The following SMAD9 variants were observed in gnomAD, a reference collection of about 807,000 sequenced individuals.
SMAD9 encodes MAD homolog 9.
SMAD9 carries 36 observed loss-of-function variants against 46.1 expected under a neutral mutation model. The ratio of observed to expected loss-of-function variants is 0.78; its 90% confidence interval spans 0.60 to 1.03. The LOEUF is 1.03. Ranked by LOEUF, SMAD9 falls within the 50% of genes least tolerant of loss-of-function variation. The pLI is 0.00. For synonymous variants in SMAD9, 245 were observed against 237.1 expected, an observed-to-expected ratio of 1.03 and a Z score of -0.31; for missense variants, 572 against 599.8, an observed-to-expected ratio of 0.95 and a Z score of 0.48.
rs1245180211 is a variant in SMAD9 at position 36,872,704 on chromosome 13, G to C, written c.624C>G (p.His208Gln). ...CTGGCTCAGAAGGACTTCCTGGGGA[G>C]TGAGGGTAGCTGGCCGTGCACGGGG... ...SQSPCTASYP[H>Q]SPGSPSEPES... Residue 208 changes from histidine (H) to glutamine (Q), a missense_variant, in exon 3 of 7, where the codon CAC becomes CAG. Physicochemically the swap from His to Gln is conservative, Grantham distance 24. Transcript: ENST00000379826. 6.2e-7 allele frequency: 1 copy of C among 1,614,034 alleles called. No individual in the cohort carries two copies. The highest frequency in any genetic ancestry group is 8.5e-7 in the Non-Finnish European group (1 of 1,179,994).
intron 1 of SMAD9, among the ~76,000 whole-genome samples, chr13:36,918,677 ACT>A (rs1475549161): frequency 2.0e-5 from 3 of 152,068 alleles, no homozygotes; most frequent in Non-Finnish European, 4.4e-5. Context: ...GCACAGGGAA[ACT>A]CTTATATTGA....
At chr13:36,907,188 G>A (rs1299924756) in intron 1 of SMAD9, among the ~76,000 whole-genome samples, 1 of 152,090 alleles carries the variant, frequency 6.6e-6, no homozygotes, top group Admixed American at 6.6e-5. Flanking sequence ...TCTAGAATAG[G>A]GAAATTCATA....
At chr13:36,916,199 GT>G (rs1261639703) in intron 1 of SMAD9, among the ~76,000 whole-genome samples, 2 of 152,194 alleles carry the variant, frequency 1.3e-5, no homozygotes, top group Admixed American at 6.5e-5. Flanking sequence ...TGCGGCTATG[GT>G]GGGGGGAGGA....
intron 1 of SMAD9, 113 bp from the exon 2 acceptor site, chr13:36,879,988 G>A: frequency 2.4e-6 from 1 of 422,580 alleles, no homozygotes; most frequent in Non-Finnish European, 4.4e-6. Flanking sequence ...TCAAGTGGGT[G>A]AATGGCTCGA....
intron 3 of SMAD9, among the ~76,000 whole-genome samples, chr13:36,871,554 T>C (rs181773994): frequency 6.6e-6 from 1 of 152,090 alleles, no homozygotes; most frequent in Non-Finnish European, 1.5e-5. Context: ...AATAAACGCC[T>C]GTGTAGTAAT....
chr13:36,897,088 C>T (rs1352457043), intron 1 of SMAD9, among the ~76,000 whole-genome samples: 4 of 152,092 alleles, frequency 2.6e-5, no homozygotes, highest in African/African-American at 4.8e-5. Context: ...GAGGCATTTT[C>T]CCTCTAGTCA....
At chr13:36,851,788 T>A in intron 6 of SMAD9, 1 of 969,316 alleles carries the variant, frequency 1.0e-6, no homozygotes, top group Non-Finnish European at 1.2e-6. Context: ...TCCTGCAGTA[T>A]TAGGAACAGT....
chr13:36,883,453 A>C (rs1483947404), intron 1 of SMAD9, among the ~76,000 whole-genome samples: 1 of 152,242 alleles, frequency 6.6e-6, no homozygotes. Context: ...CACAGTTAAA[A>C]ATAAATAAAT....
rs1300165620 is a variant in SMAD9, at chr13:36,851,741, T to C, written c.1260+1678A>G. On this transcript the variant is annotated intron_variant, in intron 6 of 6. Transcript: ENST00000379826. ...CATCTCAAATGTTAAAAAAAAATGA[T>C]CTATAGTTATATTTACTATGTATTT... 5.1e-6 allele frequency: 5 copies of C among 972,662 alleles called. No individual in the cohort carries two copies. In the African/African-American group the frequency reaches 8.8e-5, roughly 17 times the overall value. 60.3% of individuals were successfully genotyped at this position (972,662 alleles called of 1,614,324 possible). A position where few individuals can be genotyped will look rare whatever the true frequency, so the allele number is the denominator to read the frequency against.
intron 1 of SMAD9, among the ~76,000 whole-genome samples, chr13:36,884,311 T>C (rs181469175): frequency 6.6e-6 from 1 of 152,202 alleles, no homozygotes; most frequent in South Asian, 2.1e-4. Context: ...CAGTGCGTGA[T>C]TAGCGTTCAT....
chr13:36,881,144 C>T (rs1178082266), intron 1 of SMAD9, among the ~76,000 whole-genome samples: 1 of 152,190 alleles, frequency 6.6e-6, no homozygotes, highest in Non-Finnish European at 1.5e-5. Context: ...TGTTCTTTCC[C>T]AGTTATTCAG....
intron 1 of SMAD9, among the ~76,000 whole-genome samples, chr13:36,898,966 G>GA (rs1378243426): frequency 7.2e-5 from 11 of 152,024 alleles, no homozygotes; most frequent in Non-Finnish European, 1.6e-4. Context: ...GATTAGAAAT[G>GA]AAAAATTTTC....
intron 1 of SMAD9, among the ~76,000 whole-genome samples, chr13:36,906,814 T>C (rs933404534): frequency 5.9e-5 from 9 of 152,154 alleles, no homozygotes; most frequent in Admixed American, 2.0e-4. Context: ...TTGATGAGAA[T>C]GTAAAATGGC....
intron 6 of SMAD9, chr13:36,849,777 T>G (rs1350907898): frequency 6.6e-6 from 1 of 152,214 alleles, no homozygotes; most frequent in African/African-American, 2.4e-5. Flanking sequence ...TACCACAGAT[T>G]AATTATTTGT....
At chr13:36,879,137 C>CA in intron 2 of SMAD9, 141 bp downstream of exon 2, 7 of 770,458 alleles carry the variant, frequency 9.1e-6, no homozygotes, top group Non-Finnish European at 1.2e-5. Flanking sequence ...ACGAGTCCCT[C>CA]AAAACTGAAC....
intron 1 of SMAD9, among the ~76,000 whole-genome samples, chr13:36,882,606 T>C (rs925105913): frequency 1.3e-5 from 2 of 152,148 alleles, no homozygotes; most frequent in African/African-American, 4.8e-5. Context: ...GGCCCTTGCA[T>C]TGAGGGAGGC....
At chr13:36,889,620 TCATTA>T (rs2058474286) in intron 1 of SMAD9, among the ~76,000 whole-genome samples, 1 of 152,206 alleles carries the variant, frequency 6.6e-6, no homozygotes, top group African/African-American at 2.4e-5. Flanking sequence ...CAAAATTATA[TCATTA>T]CATTACTGAC....
At chr13:36,874,850 G>A (rs1299641002) in intron 2 of SMAD9, among the ~76,000 whole-genome samples, 32 of 79,844 alleles carry the variant, frequency 4.0e-4, no homozygotes, top group African/African-American at 1.7e-3. Context: ...GCAAGACTCC[G>A]TCCCAAAAAA....
At chr13:36,906,001 A>AC (rs756376832) in intron 1 of SMAD9, among the ~76,000 whole-genome samples, 6 of 152,120 alleles carry the variant, frequency 3.9e-5, no homozygotes, top group Non-Finnish European at 7.4e-5. Flanking sequence ...TACATGCTTT[A>AC]CAACTCTTAA....
Sources: gnomAD v4.1 joint callset for allele counts (sites outside exome capture counted in the v4.1 genomes callset) on GRCh38, gnomAD v4.1.1 for gene constraint, MANE v1.5 for transcripts, NCBI Gene and HGNC (gene_info 2026-07-23, HGNC 2026-07-21) for gene names.